Variants in EPHA6 observed in about 807,000 individuals in gnomAD.
EPHA6 encodes ephrin type-A receptor 6.
A neutral mutation model predicts 112.0 loss-of-function variants in EPHA6; 50 were observed. That is an observed-to-expected ratio of 0.45 (90% confidence interval 0.36 to 0.56). The LOEUF (loss-of-function observed/expected upper bound fraction) is 0.56. EPHA6 is among the 20% of genes least tolerant of loss of function. EPHA6 has a pLI of 0.00. For missense variants in EPHA6, 1,280 were observed against 1,417.4 expected, an observed-to-expected ratio of 0.90 and a Z score of 1.56; for synonymous variants, 529 against 490.7, an observed-to-expected ratio of 1.08 and a Z score of -1.03.
At chr3:97,354,689 A>G (rs1414190470) in intron 5 of EPHA6, among the ~76,000 whole-genome samples, 1 of 152,180 alleles carries the variant, frequency 6.6e-6, no homozygotes, top group Non-Finnish European at 1.5e-5. Flanking sequence ...TAGAAAGTTT[A>G]TTCAAACAAA....
At chr3:97,687,477 G>A (rs181147037) in intron 14 of EPHA6, among the ~76,000 whole-genome samples, 13 of 152,226 alleles carry the variant, frequency 8.5e-5, no homozygotes, top group Middle Eastern at 3.4e-3. Context: ...GTCAGAGATC[G>A]TAACGCGATG....
intron 2 of EPHA6, among the ~76,000 whole-genome samples, chr3:96,980,644 G>A (rs1349878393): frequency 2.6e-5 from 4 of 151,312 alleles, no homozygotes; most frequent in Non-Finnish European, 5.9e-5. Context: ...ACCTTGGGCA[G>A]TATGGCCATT....
At chr3:97,677,787 T>C (rs1408322744) in intron 14 of EPHA6, among the ~76,000 whole-genome samples, 2 of 149,804 alleles carry the variant, frequency 1.3e-5, no homozygotes, top group Admixed American at 1.3e-4. Context: ...ATTGAGGTTA[T>C]GGAGGCAAAG....
chr3:97,033,580 G>A (rs2044962394), intron 3 of EPHA6, among the ~76,000 whole-genome samples: 1 of 151,948 alleles, frequency 6.6e-6, no homozygotes, highest in African/African-American at 2.4e-5. Context: ...GTGTTTGGCT[G>A]ATAAGAGTAT....
chr3:96,919,383 A>G (rs1012468378), intron 2 of EPHA6, among the ~76,000 whole-genome samples: 5 of 151,918 alleles, frequency 3.3e-5, no homozygotes, highest in African/African-American at 1.2e-4. Context: ...AAAATGTAAA[A>G]TAAAAGAAGT....
At chr3:97,437,272 T>C (rs1261448247) in intron 6 of EPHA6, among the ~76,000 whole-genome samples, 1 of 152,128 alleles carries the variant, frequency 6.6e-6, no homozygotes, top group East Asian at 1.9e-4. Flanking sequence ...AAGCATATAT[T>C]ATTTCCCCCA....
intron 13 of EPHA6, among the ~76,000 whole-genome samples, chr3:97,632,326 A>G (rs1365643853): frequency 1.3e-5 from 2 of 152,060 alleles, no homozygotes; most frequent in Admixed American, 1.3e-4. Flanking sequence ...CCCTGGGATT[A>G]CAAGGGTGAA....
At chr3:97,106,740 A>C (rs1455268376) in intron 3 of EPHA6, among the ~76,000 whole-genome samples, 1 of 152,110 alleles carries the variant, frequency 6.6e-6, no homozygotes, top group Non-Finnish European at 1.5e-5. Flanking sequence ...CCTGTAACAC[A>C]GGCTCACTGA....
At chr3:97,015,222 T>C (rs866428648) in intron 3 of EPHA6, among the ~76,000 whole-genome samples, 13 of 152,202 alleles carry the variant, frequency 8.5e-5, no homozygotes, top group African/African-American at 2.7e-4. Context: ...ATCTTACTAG[T>C]TGCTGAAACC....
chr3:97,496,840 G>T (rs1335109306), intron 10 of EPHA6, among the ~76,000 whole-genome samples: 1 of 151,992 alleles, frequency 6.6e-6, no homozygotes, highest in Non-Finnish European at 1.5e-5. Flanking sequence ...TGCCTCAGCA[G>T]AACCAACAGT....
intron 13 of EPHA6, among the ~76,000 whole-genome samples, chr3:97,614,380 G>A (rs1355878141): frequency 1.3e-5 from 2 of 148,550 alleles, no homozygotes; most frequent in Non-Finnish European, 3.0e-5. Flanking sequence ...CTGTCACCAG[G>A]CTGGAGTGTA....
chr3:97,055,899 C>G (rs2045836754), intron 3 of EPHA6, among the ~76,000 whole-genome samples: 1 of 152,048 alleles, frequency 6.6e-6, no homozygotes, highest in Non-Finnish European at 1.5e-5. Context: ...GCATTTTTAA[C>G]TTGGGAAGAT....
chr3:97,547,603 G>A (rs1166579002), intron 11 of EPHA6, among the ~76,000 whole-genome samples: 2 of 152,196 alleles, frequency 1.3e-5, no homozygotes, highest in Non-Finnish European at 2.9e-5. Context: ...GTCAGAGAGG[G>A]ACATTTAAGT....
At chr3:97,099,023 TA>T (rs1163843180) in intron 3 of EPHA6, among the ~76,000 whole-genome samples, 2 of 152,062 alleles carry the variant, frequency 1.3e-5, no homozygotes, top group East Asian at 3.9e-4. Flanking sequence ...GAAGGCTGTA[TA>T]ATAATAAAAA....
chr3:97,458,117 C>T (rs969396712), intron 7 of EPHA6, among the ~76,000 whole-genome samples: 1 of 138,444 alleles, frequency 7.2e-6, no homozygotes, highest in African/African-American at 2.6e-5. Context: ...TCATGTTACA[C>T]TTTACTTTTT....
At chr3:97,683,934 A>G (rs894609691) in intron 14 of EPHA6, among the ~76,000 whole-genome samples, 1 of 152,292 alleles carries the variant, frequency 6.6e-6, no homozygotes, top group Non-Finnish European at 1.5e-5. Flanking sequence ...AATCATAGGC[A>G]AAGAGAATGG....
At position 96,929,342 on chromosome 3, in the gene EPHA6, C is replaced by T. The variant is rs539814960; in HGVS notation, c.451-57988C>T. ...CTTCAGAGTGTTGCTGCTTTGTGTA[C>T]CTCAGTGTGTTTTAATATTGGCTGC... On this transcript the variant is annotated intron_variant, in intron 2 of 17. Coordinates refer to ENST00000389672, the MANE Select transcript of EPHA6 (RefSeq NM_001080448.3). Among the ~76,000 whole-genome samples, 6 of 152,196 alleles carry T rather than the reference C, an allele frequency of 3.9e-5. No individual in the cohort carries two copies. In the South Asian group the frequency reaches 1.2e-3, roughly 32 times the overall value.
chr3:96,941,147 C>T (rs1168485466), intron 2 of EPHA6, among the ~76,000 whole-genome samples: 1 of 152,132 alleles, frequency 6.6e-6, no homozygotes, highest in African/African-American at 2.4e-5. Context: ...TGTTGGCCTG[C>T]CTTGCTATAT....
chr3:97,693,142 T>C (rs1257665737), intron 14 of EPHA6, among the ~76,000 whole-genome samples: 2 of 152,154 alleles, frequency 1.3e-5, no homozygotes, highest in East Asian at 3.9e-4. Context: ...GTAAAGAAGA[T>C]TGAGCACATA....
Sources: allele counts gnomAD v4.1 joint callset (sites outside exome capture counted in the v4.1 genomes callset), GRCh38; gene constraint gnomAD v4.1.1; transcripts MANE v1.5; gene names NCBI Gene and HGNC (gene_info 2026-07-23, HGNC 2026-07-21).